Variants in POF1B observed in about 807,000 individuals in gnomAD.
The protein encoded by POF1B is POF1B actin binding protein, also known as protein POF1B.
A neutral mutation model predicts 55.3 loss-of-function variants in POF1B; 53 were observed. That is an observed-to-expected ratio of 0.96 (90% CI 0.77 to 1.20). The LOEUF (loss-of-function observed/expected upper bound fraction) is 1.20, where lower values mean the gene tolerates loss of function less well. POF1B is among the 50% of genes most tolerant of loss of function. The pLI, the probability that POF1B is intolerant of heterozygous loss-of-function variation, is 0.00. For synonymous variants in POF1B, 188 were observed against 148.3 expected (o/e 1.27, Z -1.95); for missense variants, 478 against 420.5 (o/e 1.14, Z -1.20).
At chrX:85,374,822 A>G (rs946100022) in intron 2 of POF1B, among the ~76,000 whole-genome samples, 5 of 112,622 alleles carry the variant, frequency 4.4e-5, no homozygotes, top group African/African-American at 1.6e-4. Context: ...GCCATGTAAC[A>G]TAGTTAAACA....
intron 7 of POF1B, among the ~76,000 whole-genome samples, chrX:85,322,168 G>A (rs140300575): frequency 0.012 from 1,338 of 111,406 alleles, 16 homozygotes; most frequent in Admixed American, 0.036. Context: ...AAGGCTGGAG[G>A]TATCATGCTA....
chrX:85,301,118 A>C (rs769453964), intron 15 of POF1B, among the ~76,000 whole-genome samples: 13 of 112,018 alleles, frequency 1.2e-4, no homozygotes, highest in Non-Finnish European at 2.4e-4. Flanking sequence ...AACTTCCCAG[A>C]TTTGATTAAA....
chrX:85,379,289 T>C lies in POF1B; in HGVS notation c.166A>G (p.Ser56Gly). ...NVVYERVRTY[S>G]GPMNKVVQAL... ...TGCACCACCTTGTTCATGGGCCCAC[T>C]GTAGGTCCTCACTCGCTCATACACT... Residue 56 changes from serine to glycine, a missense_variant, in exon 2 of 17, where the codon AGT becomes GGT. Coordinates refer to ENST00000262753, the MANE Select transcript of POF1B (RefSeq NM_024921.4). 1 of 1,210,931 alleles carries C rather than the reference T, an allele frequency of 8.3e-7. No homozygotes were observed. The highest frequency in any genetic ancestry group is 1.1e-6 in the Non-Finnish European group (1 of 895,331).
intron 9 of POF1B, among the ~76,000 whole-genome samples, chrX:85,312,011 T>G (rs1432941390): frequency 8.9e-6 from 1 of 112,333 alleles, no homozygotes; most frequent in Non-Finnish European, 1.9e-5. Context: ...TGGCCACTTT[T>G]TGATGGGGTT....
At chrX:85,369,203 A>G (rs1174330051) in intron 2 of POF1B, among the ~76,000 whole-genome samples, 1 of 111,741 alleles carries the variant, frequency 8.9e-6, no homozygotes, top group Non-Finnish European at 1.9e-5. Context: ...AATTGAGAAG[A>G]CTTGCTCAGA....
intron 13 of POF1B, among the ~76,000 whole-genome samples, chrX:85,305,481 A>G (rs188791555): frequency 7.1e-4 from 79 of 111,004 alleles, no homozygotes; most frequent in African/African-American, 2.0e-3. Flanking sequence ...TGCCTACATA[A>G]GCATGCTTTA....
intron 16 of POF1B, 80 bp from the exon 17 acceptor site, chrX:85,279,506 T>C (rs1931851544): frequency 1.0e-6 from 1 of 976,079 alleles, no homozygotes. Flanking sequence ...TTATGGAAAA[T>C]TATTTAAATT....
chrX:85,344,963 T>A (rs6623265), intron 6 of POF1B, among the ~76,000 whole-genome samples: 18,452 of 110,975 alleles, frequency 0.17, 2,973 homozygotes, highest in African/African-American at 0.51. Context: ...AATCTTTTGT[T>A]GTTCTTTTTG....
At chrX:85,372,606 G>A (rs2147953171) in intron 2 of POF1B, among the ~76,000 whole-genome samples, 1 of 106,764 alleles carries the variant, frequency 9.4e-6, no homozygotes, top group East Asian at 3.0e-4. Context: ...GATAACATTA[G>A]GAGAAATACC....
At position 85,360,535 on chromosome X, in the gene POF1B, A is replaced by G. The variant is rs966348534; in HGVS notation, c.358-905T>C. 2.2e-4 allele frequency among the ~76,000 whole-genome samples: 18 copies of G among 81,991 alleles called. No individual in the cohort carries two copies. In the East Asian group the frequency reaches 4.9e-3, roughly 22 times the overall value. The allele number at this position is 81,991 out of a possible 115,157, so 71.2% of individuals were successfully genotyped here. On this transcript the variant is annotated intron_variant, in intron 3 of 16. Transcript: ENST00000262753. The stretch of plus-strand genomic sequence containing the variant: ...CTAGTATTCCATGGTATGTATATAT[A>G]TATATATATATATATATATATATAC...
intron 15 of POF1B, among the ~76,000 whole-genome samples, chrX:85,285,126 G>A (rs1039447970): frequency 4.5e-5 from 5 of 111,505 alleles, no homozygotes; most frequent in African/African-American, 1.6e-4. Context: ...ACTTAGAATG[G>A]CGATCATTAA....
At chrX:85,288,240 T>A (rs1384516343) in intron 15 of POF1B, among the ~76,000 whole-genome samples, 1 of 111,698 alleles carries the variant, frequency 9.0e-6, no homozygotes, top group Non-Finnish European at 1.9e-5. Context: ...AACTACCTCC[T>A]GCCCCTCAGT....
In POF1B at chrX:85,379,460, TCCAGTGGTCAGCAAGGGACCTC is replaced by T; in HGVS notation, c.-28_-7del. ...CTCCAATAGCTCGAGCTCATCTTCT[TCCAGTGGTCAGCAAGGGACCTC>T]CCAGATGTTCTACCTAAGGAACAAA... On this transcript the variant is annotated 5_prime_UTR_variant, in exon 2 of 17. Coordinates refer to ENST00000262753, the MANE Select transcript of POF1B (RefSeq NM_024921.4). 1 of 1,206,876 alleles carries T rather than the reference TCCAGTGGTCAGCAAGGGACCTC, an allele frequency of 8.3e-7. No individual in the cohort carries two copies. The highest frequency in any genetic ancestry group is 1.1e-6 in the Non-Finnish European group (1 of 894,041).
chrX:85,377,230 G>T (rs1377790121), intron 2 of POF1B, among the ~76,000 whole-genome samples: 1 of 111,535 alleles, frequency 9.0e-6, no homozygotes, highest in East Asian at 2.8e-4. Context: ...GGTAATTTCA[G>T]ATCAAATCTA....
At chrX:85,322,442 T>C (rs1315106493) in intron 7 of POF1B, among the ~76,000 whole-genome samples, 1 of 111,484 alleles carries the variant, frequency 9.0e-6, no homozygotes, top group African/African-American at 3.3e-5. Context: ...CAAAAATTAA[T>C]TCAAGATAGA....
chrX:85,370,967 T>G (rs372297907), intron 2 of POF1B, among the ~76,000 whole-genome samples: 12 of 112,092 alleles, frequency 1.1e-4, no homozygotes, highest in African/African-American at 3.9e-4. Context: ...GTCAATGTTT[T>G]TGTTTTTATG....
At chrX:85,372,629 C>T (rs1268414800) in intron 2 of POF1B, among the ~76,000 whole-genome samples, 1 of 106,523 alleles carries the variant, frequency 9.4e-6, no homozygotes, top group Admixed American at 1.0e-4. Flanking sequence ...ATGTAGGTGA[C>T]GGGTTGATGG....
At chrX:85,371,334 C>CT (rs1222359971) in intron 2 of POF1B, among the ~76,000 whole-genome samples, 1 of 111,732 alleles carries the variant, frequency 8.9e-6, no homozygotes, top group Non-Finnish European at 1.9e-5. Flanking sequence ...TATTGTTTTC[C>CT]TTTTGATGAT....
intron 9 of POF1B, among the ~76,000 whole-genome samples, chrX:85,310,773 G>T (rs1408773797): frequency 9.0e-6 from 1 of 111,449 alleles, no homozygotes; most frequent in African/African-American, 3.3e-5. Flanking sequence ...TAAACCCAAA[G>T]AAATCCATTA....
Sources: gnomAD v4.1 joint callset for allele counts (sites outside exome capture counted in the v4.1 genomes callset) on GRCh38, gnomAD v4.1.1 for gene constraint, MANE v1.5 for transcripts, NCBI Gene and HGNC (gene_info 2026-07-23, HGNC 2026-07-21) for gene names.